SLC24A2: variants seen among roughly 807,000 people sequenced by gnomAD.
SLC24A2 encodes the protein solute carrier family 24 member 2, also known as sodium/potassium/calcium exchanger 2.
In SLC24A2, 36 loss-of-function variants were observed where a neutral mutation model predicts 62.0. The ratio of observed to expected loss-of-function variants is 0.58; its 90% CI spans 0.44 to 0.77. The LOEUF (loss-of-function observed/expected upper bound fraction) is 0.77, where lower values mean the gene tolerates loss of function less well. Among genes scored for constraint, SLC24A2 ranks in the 30% least tolerant of loss-of-function variants. SLC24A2 has a pLI of 0.00. For missense variants in SLC24A2, 846 were observed against 817.9 expected, an observed-to-expected ratio of 1.03 and a Z score of -0.42; for synonymous variants, 358 against 294.0, an observed-to-expected ratio of 1.22 and a Z score of -2.23.
At chr9:20,131,954 T>C in the SLC24A2 span, among the ~76,000 whole-genome samples, 68,616 of 152,092 alleles carry the variant, frequency 0.45, 18,062 homozygotes, top group Non-Finnish European at 0.61. Context: ...AAACAGTTTA[T>C]GTAATTAAGT....
chr9:19,761,060 A>C (rs1470996480), intron 2 of SLC24A2, among the ~76,000 whole-genome samples: 1 of 152,188 alleles, frequency 6.6e-6, no homozygotes, highest in Non-Finnish European at 1.5e-5. Flanking sequence ...TTAAAGTATA[A>C]TAAAAAAATA....
At chr9:19,994,808 C>G in the SLC24A2 span, among the ~76,000 whole-genome samples, 1 of 152,210 alleles carries the variant, frequency 6.6e-6, no homozygotes, top group South Asian at 2.1e-4. Flanking sequence ...GCCCTAGAAC[C>G]AGCTTATGCT....
the SLC24A2 span, among the ~76,000 whole-genome samples, chr9:19,817,784 C>A: frequency 6.6e-6 from 1 of 152,044 alleles, no homozygotes; most frequent in African/African-American, 2.4e-5. Flanking sequence ...GGCTGGAGTG[C>A]AGTGGTACAA....
At chr9:20,089,230 C>T in the SLC24A2 span, among the ~76,000 whole-genome samples, 2 of 152,164 alleles carry the variant, frequency 1.3e-5, no homozygotes, top group Admixed American at 1.3e-4. Flanking sequence ...GAACACCCAC[C>T]TCATGGAAAA....
chr9:20,182,258 C>T, the SLC24A2 span, among the ~76,000 whole-genome samples: 2 of 152,148 alleles, frequency 1.3e-5, no homozygotes, highest in Non-Finnish European at 2.9e-5. Context: ...CTAGAAATAC[C>T]ATTTGACCCA....
chr9:19,996,903 G>T, the SLC24A2 span, among the ~76,000 whole-genome samples: 6 of 152,014 alleles, frequency 3.9e-5, no homozygotes, highest in East Asian at 1.2e-3. Context: ...AAACTAAGTA[G>T]CAACATTATT....
intron 2 of SLC24A2, among the ~76,000 whole-genome samples, chr9:19,657,911 G>A (rs1364400930): frequency 6.6e-6 from 1 of 152,042 alleles, no homozygotes; most frequent in Non-Finnish European, 1.5e-5. Flanking sequence ...AAAAATTTCT[G>A]TAGAGATGAG....
chr9:19,665,500 G>C (rs534511436), intron 2 of SLC24A2, among the ~76,000 whole-genome samples: 104 of 152,238 alleles, frequency 6.8e-4, no homozygotes, highest in African/African-American at 2.5e-3. Flanking sequence ...AAATGCATTG[G>C]TGGTAGAATT....
chr9:20,242,269 G>C, the SLC24A2 span, among the ~76,000 whole-genome samples: 1 of 152,152 alleles, frequency 6.6e-6, no homozygotes, highest in Non-Finnish European at 1.5e-5. Context: ...AATTACAAAG[G>C]CTTGTGGAGT....
chr9:20,211,693 G>A, the SLC24A2 span, among the ~76,000 whole-genome samples: 2 of 151,952 alleles, frequency 1.3e-5, no homozygotes, highest in Non-Finnish European at 2.9e-5. Flanking sequence ...AATAATTTTA[G>A]CAACAATAAC....
chr9:20,225,913 G>T, the SLC24A2 span, among the ~76,000 whole-genome samples: 8 of 151,996 alleles, frequency 5.3e-5, no homozygotes, highest in East Asian at 1.6e-3. Context: ...AACATAGTAT[G>T]TACATACATA....
rs1024400628 is a variant in SLC24A2, at chr9:19,510,849, T to C, written c.*5304A>G. On this transcript the variant is annotated 3_prime_UTR_variant, in exon 11 of 11. Transcript: ENST00000341998. Reference sequence around the variant, plus strand: ...GCCTGTCGTAATTGCAGGGTCATTTTTGCCTCTCGAATGCTGCCTGACTTG... The same window carrying C: ...GCCTGTCGTAATTGCAGGGTCATTTCTGCCTCTCGAATGCTGCCTGACTTG... 3.3e-5 allele frequency: 5 copies of C among 152,324 alleles called. No individual in the cohort carries two copies. The highest frequency in any genetic ancestry group is 7.3e-5 in the Non-Finnish European group (5 of 68,124). 9.4% of individuals were successfully genotyped at this position (152,324 alleles called of 1,614,324 possible).
the SLC24A2 span, among the ~76,000 whole-genome samples, chr9:19,982,532 G>A: frequency 6.6e-6 from 1 of 152,162 alleles, no homozygotes; most frequent in African/African-American, 2.4e-5. Flanking sequence ...AGACTGGAGG[G>A]CGATGAGTCA....
intron 7 of SLC24A2, among the ~76,000 whole-genome samples, chr9:19,570,822 T>C (rs920310310): frequency 6.6e-5 from 10 of 152,194 alleles, no homozygotes; most frequent in African/African-American, 2.2e-4. Context: ...TACCAGGCTG[T>C]CCTACAGTGG....
chr9:20,015,117 C>T, the SLC24A2 span, among the ~76,000 whole-genome samples: 1 of 152,182 alleles, frequency 6.6e-6, no homozygotes. Flanking sequence ...CCCGCCTTCA[C>T]TGGGGAACCC....
At chr9:20,152,670 C>T in the SLC24A2 span, among the ~76,000 whole-genome samples, 1 of 151,800 alleles carries the variant, frequency 6.6e-6, no homozygotes, top group African/African-American at 2.4e-5. Context: ...ACAGCTGTGT[C>T]CAGTTTTGAC....
the SLC24A2 span, among the ~76,000 whole-genome samples, chr9:19,875,036 G>C: frequency 7.6e-6 from 1 of 132,096 alleles, no homozygotes; most frequent in Non-Finnish European, 1.6e-5. Flanking sequence ...AAAAGTTTTT[G>C]CCTTATGTAT....
the SLC24A2 span, among the ~76,000 whole-genome samples, chr9:20,161,139 T>C: frequency 6.6e-6 from 1 of 151,422 alleles, no homozygotes; most frequent in African/African-American, 2.4e-5. Context: ...AAAACTTAGA[T>C]TGAATGCATA....
At chr9:20,304,513 T>C in the SLC24A2 span, among the ~76,000 whole-genome samples, 3 of 152,354 alleles carry the variant, frequency 2.0e-5, no homozygotes, top group South Asian at 2.1e-4. Flanking sequence ...TGGTATTTTA[T>C]ATAAAACACA....
Sources: gnomAD v4.1 joint callset for allele counts (sites outside exome capture counted in the v4.1 genomes callset) on GRCh38, gnomAD v4.1.1 for gene constraint, MANE v1.5 for transcripts, NCBI Gene and HGNC (gene_info 2026-07-23, HGNC 2026-07-21) for gene names.